GALNT17: variants seen among roughly 807,000 people sequenced by gnomAD.
GALNT17 encodes the protein polypeptide N-acetylgalactosaminyltransferase 17.
Under a neutral mutation model 63.7 loss-of-function variants are expected in GALNT17, and 29 were observed. The observed-to-expected ratio is 0.46, with a 90% CI of 0.34 to 0.62. GALNT17 has a LOEUF of 0.62. Among genes scored for constraint, GALNT17 ranks in the 20% least tolerant of loss-of-function variants. GALNT17 has a pLI of 0.01. For synonymous variants in GALNT17, 305 were observed against 318.3 expected (o/e 0.96, Z 0.45); for missense variants, 603 against 799.6 (o/e 0.75, Z 2.97).
rs535261813 is a variant in GALNT17, at chr7:71,672,392, T to C, written c.1404+2283T>C. 2.0e-5 allele frequency among the ~76,000 whole-genome samples: 3 copies of C among 152,224 alleles called. No homozygotes were observed. In the South Asian group the frequency reaches 6.2e-4, roughly 32 times the overall value. Reference sequence around the variant, plus strand: ...GAGGAAGGGCTTTCTAAGAATGAAATCCACGCAAGAAATGCAAAGGAAATG... The same window carrying C: ...GAGGAAGGGCTTTCTAAGAATGAAACCCACGCAAGAAATGCAAAGGAAATG... On this transcript the variant is annotated intron_variant, in intron 8 of 10. Coordinates refer to ENST00000333538, the MANE Select transcript of GALNT17 (RefSeq NM_022479.3).
intron 1 of GALNT17, among the ~76,000 whole-genome samples, chr7:71,260,277 T>C (rs1347046069): frequency 1.3e-5 from 2 of 152,182 alleles, no homozygotes; most frequent in Non-Finnish European, 1.5e-5. Flanking sequence ...TGATTTGCAG[T>C]GTCTCTTCCA....
At chr7:71,581,999 T>A (rs1052755771) in intron 6 of GALNT17, among the ~76,000 whole-genome samples, 13 of 152,056 alleles carry the variant, frequency 8.5e-5, no homozygotes, top group African/African-American at 7.2e-5. Context: ...GGATTCCTGC[T>A]ATGGTTTGAG....
At chr7:71,412,522 G>A (rs377282854) in intron 3 of GALNT17, among the ~76,000 whole-genome samples, 4 of 152,140 alleles carry the variant, frequency 2.6e-5, no homozygotes, top group African/African-American at 7.2e-5. Flanking sequence ...ACATATGCCC[G>A]CCACCACACC....
chr7:71,301,241 C>T (rs1045948248), intron 1 of GALNT17, among the ~76,000 whole-genome samples: 8 of 151,562 alleles, frequency 5.3e-5, no homozygotes, highest in African/African-American at 9.7e-5. Context: ...GAGCTAAGAT[C>T]GCTCCACTAC....
At chr7:71,381,177 G>A (rs942715319) in intron 2 of GALNT17, among the ~76,000 whole-genome samples, 2 of 151,798 alleles carry the variant, frequency 1.3e-5, no homozygotes, top group Non-Finnish European at 2.9e-5. Flanking sequence ...GGCCAGACTG[G>A]TCTTGAACTC....
intron 6 of GALNT17, among the ~76,000 whole-genome samples, chr7:71,634,491 C>T (rs1373019572): frequency 6.6e-6 from 1 of 152,136 alleles, no homozygotes; most frequent in South Asian, 2.1e-4. Context: ...CGGTGGCTCA[C>T]GCCTGTAATC....
chr7:71,698,542 CA>C (rs1355300516), intron 9 of GALNT17, among the ~76,000 whole-genome samples: 1 of 151,960 alleles, frequency 6.6e-6, no homozygotes, highest in Non-Finnish European at 1.5e-5. Context: ...TTAGATTTTG[CA>C]AAGTTGTCAC....
At chr7:71,584,112 A>G (rs1789680502) in intron 6 of GALNT17, among the ~76,000 whole-genome samples, 2 of 152,200 alleles carry the variant, frequency 1.3e-5, no homozygotes, top group Admixed American at 6.6e-5. Flanking sequence ...AGCCTGGGAG[A>G]CAGAGCCAGA....
intron 5 of GALNT17, among the ~76,000 whole-genome samples, chr7:71,512,952 A>G (rs1788385443): frequency 6.6e-6 from 1 of 152,230 alleles, no homozygotes; most frequent in Non-Finnish European, 1.5e-5. Context: ...ATTTCTCAAA[A>G]TGGCAAATGG....
At chr7:71,639,618 A>G (rs566477042) in intron 6 of GALNT17, among the ~76,000 whole-genome samples, 2 of 152,334 alleles carry the variant, frequency 1.3e-5, no homozygotes, top group Admixed American at 1.3e-4. Context: ...GGCCCGGGAA[A>G]CATTTAAACC....
intron 6 of GALNT17, among the ~76,000 whole-genome samples, chr7:71,639,017 A>G (rs183145177): frequency 2.6e-5 from 4 of 152,296 alleles, no homozygotes; most frequent in South Asian, 2.1e-4. Context: ...AAGACCTACT[A>G]TTGGATAGCA....
intron 6 of GALNT17, among the ~76,000 whole-genome samples, chr7:71,583,441 C>A (rs12699056): frequency 3.7e-4 from 57 of 152,078 alleles, no homozygotes; most frequent in African/African-American, 1.3e-3. Context: ...GTCAGGCCCC[C>A]GTAGCCCCTC....
At chr7:71,140,128 G>A (rs1417208138) in intron 1 of GALNT17, among the ~76,000 whole-genome samples, 1 of 152,208 alleles carries the variant, frequency 6.6e-6, no homozygotes, top group Non-Finnish European at 1.5e-5. Flanking sequence ...ACAGATGCTG[G>A]ACGGTACCAC....
chr7:71,178,263 A>G (rs1788673746), intron 1 of GALNT17, among the ~76,000 whole-genome samples: 1 of 152,084 alleles, frequency 6.6e-6, no homozygotes, highest in African/African-American at 2.4e-5. Context: ...ATGGCTTCTG[A>G]TAAGTTCATT....
At chr7:71,269,997 A>G (rs1790557272) in intron 1 of GALNT17, among the ~76,000 whole-genome samples, 1 of 152,132 alleles carries the variant, frequency 6.6e-6, no homozygotes, top group Non-Finnish European at 1.5e-5. Flanking sequence ...AGTGTGTGTG[A>G]CACCTCTCTC....
intron 1 of GALNT17, among the ~76,000 whole-genome samples, chr7:71,161,532 T>G (rs1057392177): frequency 6.6e-6 from 1 of 152,226 alleles, no homozygotes; most frequent in Non-Finnish European, 1.5e-5. Context: ...ATCAATTTTT[T>G]GGATGGGATG....
intron 1 of GALNT17, among the ~76,000 whole-genome samples, chr7:71,279,245 C>T (rs1274291900): frequency 1.3e-5 from 2 of 152,042 alleles, no homozygotes; most frequent in East Asian, 3.9e-4. Context: ...CTGGATTCAT[C>T]CTAATCTAGT....
chr7:71,282,760 G>A (rs1489161051), intron 1 of GALNT17, among the ~76,000 whole-genome samples: 1 of 151,916 alleles, frequency 6.6e-6, no homozygotes. Flanking sequence ...AGCAGATATG[G>A]TAGGGGGAGG....
intron 5 of GALNT17, among the ~76,000 whole-genome samples, chr7:71,466,128 T>C (rs1039512458): frequency 5.3e-5 from 8 of 152,154 alleles, no homozygotes; most frequent in Admixed American, 3.9e-4. Context: ...GCAGTGGCCG[T>C]TTCAAAATAC....
Sources: allele counts gnomAD v4.1 joint callset (sites outside exome capture counted in the v4.1 genomes callset), GRCh38; gene constraint gnomAD v4.1.1; transcripts MANE v1.5; gene names NCBI Gene and HGNC (gene_info 2026-07-23, HGNC 2026-07-21).